Variants in VDAC1 observed in about 807,000 individuals in gnomAD.
VDAC1 encodes non-selective voltage-gated ion channel VDAC1.
A neutral mutation model predicts 34.7 loss-of-function variants in VDAC1; 10 were observed. The ratio of observed to expected loss-of-function variants is 0.29; its 90% CI spans 0.18 to 0.49. The LOEUF is 0.49. VDAC1 is among the 20% of genes least tolerant of loss of function. The pLI is 0.99. For synonymous variants in VDAC1, 130 were observed against 136.0 expected (o/e 0.96, Z 0.30); for missense variants, 230 against 347.9 (o/e 0.66, Z 2.69).
the VDAC1 span, among the ~76,000 whole-genome samples, chr5:134,100,680 C>T: frequency 1.3e-5 from 2 of 152,254 alleles, no homozygotes; most frequent in African/African-American, 2.4e-5. Context: ...GAGACTCCGT[C>T]GGGGAATCCC....
At chr5:134,025,611 T>C in the VDAC1 span, among the ~76,000 whole-genome samples, 1 of 151,886 alleles carries the variant, frequency 6.6e-6, no homozygotes, top group Non-Finnish European at 1.5e-5. Context: ...TTATTTTTAT[T>C]TGAGTTCTCA....
the VDAC1 span, among the ~76,000 whole-genome samples, chr5:134,090,328 G>A: frequency 1.3e-5 from 2 of 152,202 alleles, no homozygotes; most frequent in Non-Finnish European, 2.9e-5. Context: ...ACACCAATTA[G>A]CCTTGATTAC....
At chr5:134,022,791 C>A in the VDAC1 span, among the ~76,000 whole-genome samples, 1 of 152,150 alleles carries the variant, frequency 6.6e-6, no homozygotes, top group Non-Finnish European at 1.5e-5. Flanking sequence ...CCCTTCACAC[C>A]AGTTAGAATG....
At chr5:134,070,859 C>T in the VDAC1 span, among the ~76,000 whole-genome samples, 1 of 152,156 alleles carries the variant, frequency 6.6e-6, no homozygotes, top group African/African-American at 2.4e-5. Context: ...CACGTATCTG[C>T]GATTATTTTC....
intron 5 of VDAC1, chr5:133,989,373 T>C (rs1436423239): frequency 3.9e-5 from 6 of 152,044 alleles, no homozygotes; most frequent in South Asian, 2.1e-4. Context: ...TTTTTTTTTT[T>C]TTTGGAGACA....
chr5:134,016,781 A>C, the VDAC1 span, among the ~76,000 whole-genome samples: 18 of 152,368 alleles, frequency 1.2e-4, no homozygotes, highest in African/African-American at 4.3e-4. Context: ...AGAGCTGCAC[A>C]GGGTGCTGGC....
At chr5:134,057,493 TTATATCTATATC>T in the VDAC1 span, among the ~76,000 whole-genome samples, 1,125 of 134,548 alleles carry the variant, frequency 8.4e-3, 9 homozygotes, top group Non-Finnish European at 0.012. Flanking sequence ...AAAAAAAAAT[TTATATCTATATC>T]TATATCTATA....
At chr5:134,085,310 C>T in the VDAC1 span, among the ~76,000 whole-genome samples, 16 of 151,904 alleles carry the variant, frequency 1.1e-4, no homozygotes, top group East Asian at 1.9e-4. Context: ...CCTCATGATC[C>T]GCCTGCCTCG....
At chr5:134,042,094 C>G in the VDAC1 span, among the ~76,000 whole-genome samples, 1 of 152,200 alleles carries the variant, frequency 6.6e-6, no homozygotes, top group Non-Finnish European at 1.5e-5. Context: ...GAGGCCAGAA[C>G]CCCTTGTGGC....
At chr5:134,078,367 T>A in the VDAC1 span, among the ~76,000 whole-genome samples, 1 of 152,058 alleles carries the variant, frequency 6.6e-6, no homozygotes, top group Non-Finnish European at 1.5e-5. Flanking sequence ...GTTGGTGCAC[T>A]GTGCGGTCCA....
chr5:134,019,553 C>T, the VDAC1 span, among the ~76,000 whole-genome samples: 2 of 152,154 alleles, frequency 1.3e-5, no homozygotes, highest in Non-Finnish European at 2.9e-5. Context: ...GTGATGCAGC[C>T]TGGGTGACAG....
chr5:134,034,208 A>T, the VDAC1 span, among the ~76,000 whole-genome samples: 1 of 152,036 alleles, frequency 6.6e-6, no homozygotes, highest in Non-Finnish European at 1.5e-5. Context: ...AGAACTCTAC[A>T]CATATATGTT....
the VDAC1 span, among the ~76,000 whole-genome samples, chr5:134,046,169 G>GCAGGTGC: frequency 6.7e-6 from 1 of 149,004 alleles, no homozygotes; most frequent in African/African-American, 2.5e-5. Context: ...GGGACTACAG[G>GCAGGTGC]CACCTGCCAC....
the VDAC1 span, among the ~76,000 whole-genome samples, chr5:134,104,957 C>T: frequency 3.7e-3 from 558 of 152,304 alleles, 1 homozygote; most frequent in African/African-American, 0.013. Flanking sequence ...TACTGTCTCC[C>T]GTAAACAGCA....
At chr5:133,991,200 T>G (rs1000169501) in intron 3 of VDAC1, 46 bp from the exon 4 acceptor site, 2 of 1,601,462 alleles carry the variant, frequency 1.2e-6, no homozygotes, top group Non-Finnish European at 1.7e-6. Flanking sequence ...TAGCACTCAC[T>G]TGGCTTCACT....
intron 1 of VDAC1, among the ~76,000 whole-genome samples, chr5:134,000,829 A>G (rs145321984): frequency 5.6e-4 from 85 of 152,276 alleles, no homozygotes; most frequent in African/African-American, 1.9e-3. Context: ...TTCATTTTGT[A>G]TATTTATTAT....
In VDAC1 at chr5:133,981,365, C is replaced by T. The variant is rs72792760; in HGVS notation, c.324-409G>A. Reference sequence around the variant, plus strand: ...GATTTATCTGCCATGAAGGCAGCTACCTAAATAGCAGCTTTTAAAGAGACG... The same window carrying T: ...GATTTATCTGCCATGAAGGCAGCTATCTAAATAGCAGCTTTTAAAGAGACG... On this transcript the variant is annotated intron_variant, in intron 5 of 8. Coordinates refer to ENST00000265333, the MANE Select transcript of VDAC1 (RefSeq NM_003374.3). Among the ~76,000 whole-genome samples the T allele has an allele frequency of 5.9e-3, 904 of 152,294 alleles. 5 individuals carry two copies. Among genetic ancestry groups the T allele is most frequent in the Admixed American group, 9.9e-3 (151 of 15,300 alleles).
At chr5:134,081,558 G>T in the VDAC1 span, among the ~76,000 whole-genome samples, 1 of 152,184 alleles carries the variant, frequency 6.6e-6, no homozygotes, top group African/African-American at 2.4e-5. Flanking sequence ...AGTATTATTT[G>T]TATTTGACCT....
the VDAC1 span, among the ~76,000 whole-genome samples, chr5:134,102,169 G>A: frequency 3.3e-5 from 5 of 152,026 alleles, no homozygotes; most frequent in East Asian, 1.9e-4. Context: ...AGCCACCAGG[G>A]GGGGTCTGTG....
Sources: gnomAD v4.1 joint callset for allele counts (sites outside exome capture counted in the v4.1 genomes callset) on GRCh38, gnomAD v4.1.1 for gene constraint, MANE v1.5 for transcripts, NCBI Gene and HGNC (gene_info 2026-07-23, HGNC 2026-07-21) for gene names.